Variants in CUL1 observed in about 807,000 individuals in gnomAD.
CUL1 encodes cullin-1.
A neutral mutation model predicts 118.0 loss-of-function variants in CUL1; 24 were observed. The ratio of observed to expected loss-of-function variants is 0.20; its 90% CI spans 0.15 to 0.29. The LOEUF is 0.29. CUL1 is among the 10% of genes least tolerant of loss of function. The pLI is 1.00. For synonymous variants in CUL1, 332 were observed against 340.4 expected (o/e 0.98, Z 0.27); for missense variants, 361 against 933.8 (o/e 0.39, Z 7.99).
intron 2 of CUL1, among the ~76,000 whole-genome samples, chr7:148,746,835 T>G (rs1563157418): frequency 6.6e-6 from 1 of 152,228 alleles, no homozygotes; most frequent in Non-Finnish European, 1.5e-5. Flanking sequence ...GATTGATGTC[T>G]TAGCTGAAAT....
chr7:148,788,832 C>T (rs1800908119), intron 14 of CUL1, among the ~76,000 whole-genome samples, 158 bp downstream of exon 14: 5 of 152,184 alleles, frequency 3.3e-5, no homozygotes, highest in South Asian at 2.1e-4. Flanking sequence ...CCTCCTCCCC[C>T]GACTCCCGTG....
rs755924200 is a variant in CUL1 at position 148,784,123 on chromosome 7, C to T, written c.1298+46C>T. On this transcript the variant is annotated intron_variant, in intron 11 of 21. Coordinates refer to ENST00000325222, the MANE Select transcript of CUL1 (RefSeq NM_003592.3). ...TTCTTAGTATGCCTGTTTAAAATCT[C>T]AGCTTTTATATGAGGAATTAAAACC... The T allele has an allele frequency of 5.5e-6, 8 of 1,444,326 alleles. No homozygotes were observed. The South Asian group carries it at 9.3e-5, about 17-fold the overall frequency. The allele number at this position is 1,444,326 out of a possible 1,614,324, so 89.5% of individuals were successfully genotyped here.
At chr7:148,727,782 G>T (rs1040556242) in intron 1 of CUL1, among the ~76,000 whole-genome samples, 9 of 152,016 alleles carry the variant, frequency 5.9e-5, no homozygotes, top group Admixed American at 3.9e-4. Flanking sequence ...GGGGACATCT[G>T]TGTGGCTGAA....
intron 9 of CUL1, among the ~76,000 whole-genome samples, chr7:148,775,814 A>G (rs1310070631): frequency 6.6e-6 from 1 of 151,104 alleles, no homozygotes; most frequent in Non-Finnish European, 1.5e-5. Context: ...TTAAATCTAT[A>G]TTCCTGCTAA....
At chr7:148,777,696 A>G (rs973333231) in intron 9 of CUL1, among the ~76,000 whole-genome samples, 38 of 152,050 alleles carry the variant, frequency 2.5e-4, no homozygotes, top group African/African-American at 8.9e-4. Context: ...AACATTTTTG[A>G]ATTTAGACCA....
chr7:148,767,583 T>G (rs6956231), intron 8 of CUL1, 36 bp from the exon 9 acceptor site: 1,183,393 of 1,597,872 alleles, frequency 0.74, 441,454 homozygotes, highest in African/African-American at 0.93. Flanking sequence ...TGCAAAATTT[T>G]TTTCAGTGCA....
chr7:148,786,492 G>A (rs1800818176), intron 11 of CUL1, 59 bp from the exon 12 acceptor site: 1 of 1,287,880 alleles, frequency 7.8e-7, no homozygotes. Flanking sequence ...TTCTGGCTAA[G>A]TGGTGCTTGT....
intron 1 of CUL1, among the ~76,000 whole-genome samples, chr7:148,699,623 C>G (rs1019585025): frequency 2.1e-4 from 32 of 152,176 alleles, no homozygotes; most frequent in African/African-American, 7.7e-4. Context: ...TCGGGTTCCC[C>G]GCCTGCATTG....
intron 1 of CUL1, among the ~76,000 whole-genome samples, chr7:148,713,534 A>T (rs779409617): frequency 2.6e-5 from 4 of 152,108 alleles, no homozygotes; most frequent in Non-Finnish European, 5.9e-5. Flanking sequence ...ATTTTTTAGG[A>T]TTTAAAAGGA....
chr7:148,754,524 G>A (rs1473792246), intron 3 of CUL1, among the ~76,000 whole-genome samples: 2 of 152,106 alleles, frequency 1.3e-5, no homozygotes, highest in Non-Finnish European at 2.9e-5. Context: ...TAGCATAATA[G>A]TGCTTTCGTT....
chr7:148,708,988 T>C (rs1389236547), intron 1 of CUL1, among the ~76,000 whole-genome samples: 3 of 152,260 alleles, frequency 2.0e-5, no homozygotes, highest in African/African-American at 7.2e-5. Flanking sequence ...CACTAAAGTT[T>C]TGTTTCAAAA....
intron 1 of CUL1, among the ~76,000 whole-genome samples, chr7:148,725,213 G>GCGCGCGCGCA (rs1798528439): frequency 1.3e-5 from 1 of 75,078 alleles, no homozygotes; most frequent in African/African-American, 4.9e-5. Flanking sequence ...ACACACACAC[G>GCGCGCGCGCA]CGCGCGCTCA....
chr7:148,703,146 C>T (rs1411020907), intron 1 of CUL1, among the ~76,000 whole-genome samples: 1 of 152,134 alleles, frequency 6.6e-6, no homozygotes, highest in East Asian at 1.9e-4. Context: ...TGGAAGAAGA[C>T]TAGAAGAGAT....
intron 2 of CUL1, among the ~76,000 whole-genome samples, chr7:148,748,485 C>A (rs1799374324): frequency 6.6e-6 from 1 of 152,108 alleles, no homozygotes; most frequent in Non-Finnish European, 1.5e-5. Context: ...AATATAATTT[C>A]AAATATGTAT....
intron 1 of CUL1, among the ~76,000 whole-genome samples, chr7:148,700,983 C>T (rs1797703120): frequency 2.6e-5 from 4 of 152,138 alleles, no homozygotes; most frequent in Admixed American, 2.0e-4. Context: ...TCATTAGACT[C>T]TTGCCACTTA....
At chr7:148,778,544 G>C (rs1159902830) in intron 9 of CUL1, among the ~76,000 whole-genome samples, 2 of 152,206 alleles carry the variant, frequency 1.3e-5, no homozygotes, top group Admixed American at 6.5e-5. Flanking sequence ...CTAATGGGAA[G>C]AATGACACTG....
chr7:148,756,865 A>G, intron 3 of CUL1, 118 bp from the exon 4 acceptor site: 1 of 547,912 alleles, frequency 1.8e-6, no homozygotes. Flanking sequence ...AATTTAAAGA[A>G]GCCATCTAAA....
In CUL1 at chr7:148,760,329, C is replaced by A; in HGVS notation, c.626-4C>A. 2 of 1,593,196 alleles carry A rather than the reference C, an allele frequency of 1.3e-6. No homozygotes were observed. Among genetic ancestry groups the A allele is most frequent in the Non-Finnish European group, 1.7e-6 (2 of 1,171,924 alleles). ...ATTGAAATATAGCTCATATTCATTTCTAGTGGAATTGGGGCTGAATGAAGA... is the reference window on the plus strand; with the variant it reads ...ATTGAAATATAGCTCATATTCATTTATAGTGGAATTGGGGCTGAATGAAGA... On this transcript the variant is annotated splice_region_variant and splice_polypyrimidine_tract_variant and intron_variant, in intron 6 of 21. Coordinates refer to ENST00000325222, the MANE Select transcript of CUL1 (RefSeq NM_003592.3).
chr7:148,715,838 CTT>C (rs1488673891), intron 1 of CUL1, among the ~76,000 whole-genome samples: 2 of 152,114 alleles, frequency 1.3e-5, no homozygotes, highest in Non-Finnish European at 2.9e-5. Flanking sequence ...CTTCTCGTAA[CTT>C]ATCTATTTCT....
Sources: allele counts gnomAD v4.1 joint callset (sites outside exome capture counted in the v4.1 genomes callset), GRCh38; gene constraint gnomAD v4.1.1; transcripts MANE v1.5; gene names NCBI Gene and HGNC (gene_info 2026-07-23, HGNC 2026-07-21).